DIABLO: variants seen among roughly 807,000 people sequenced by gnomAD.
DIABLO encodes the protein diablo homolog, mitochondrial.
A neutral mutation model predicts 31.7 loss-of-function variants in DIABLO; 32 were observed. The observed-to-expected ratio is 1.01, with a 90% confidence interval of 0.76 to 1.35. The LOEUF is 1.35. DIABLO is among the 40% of genes most tolerant of loss of function. The pLI is 0.00. For synonymous variants in DIABLO, 132 were observed against 103.2 expected (o/e 1.28, Z -1.69); for missense variants, 316 against 286.4 (o/e 1.10, Z -0.75).
chr12:122,208,236 C>A lies in DIABLO; in HGVS notation c.*145G>T. Reference sequence around the variant, plus strand: ...CTGAGACCACAGGAGGCACTCACAGCTCACAAAGGCGTCTCGCCTGATTGG... The same window carrying A: ...CTGAGACCACAGGAGGCACTCACAGATCACAAAGGCGTCTCGCCTGATTGG... On this transcript the variant is annotated 3_prime_UTR_variant, in exon 6 of 6. Transcript: ENST00000464942. 1 of 941,432 alleles carries A rather than the reference C, an allele frequency of 1.1e-6. No individual in the cohort carries two copies. The highest frequency in any genetic ancestry group is 1.7e-6 in the Non-Finnish European group (1 of 603,674). 58.3% of individuals were successfully genotyped at this position (941,432 alleles called of 1,614,324 possible).
At chr12:122,208,890 T>G in intron 5 of DIABLO, 1 of 427,486 alleles carries the variant, frequency 2.3e-6, no homozygotes, top group South Asian at 1.9e-5. Context: ...TTTTTTTAAC[T>G]ACACATCTTC....
chr12:122,226,010 G>C lies in DIABLO; in HGVS notation c.5C>G (p.Ala2Gly), dbSNP rs766595331. 20 of 1,603,366 alleles carry C rather than the reference G, an allele frequency of 1.2e-5. No individual in the cohort carries two copies. In the East Asian group the frequency reaches 3.6e-4, roughly 29 times the overall value. The stretch of plus-strand genomic sequence containing the variant: ...GCGCGACAGCCAACTCTTCAGAGCC[G>C]CCATTGTGCAGCGCGCGGACGCCAG... MAALKSWLSRSV... is the reference protein window; with the variant it reads MGALKSWLSRSV... Residue 2 changes from alanine to glycine, a missense_variant, in exon 1 of 6, where the codon GCG (alanine) becomes GGG (glycine). By Grantham distance (60) the Ala-to-Gly change is moderately conservative. Coordinates refer to ENST00000464942, the MANE Select transcript of DIABLO (RefSeq NM_001371333.1).
chr12:122,224,775 G>A (rs767758315), intron 1 of DIABLO, 131 bp from the exon 2 acceptor site: 3 of 1,584,770 alleles, frequency 1.9e-6, no homozygotes, highest in Non-Finnish European at 2.6e-6. Flanking sequence ...GACAGCTGAG[G>A]GGTTTTGAAA....
rs538842097 is a variant in DIABLO at position 122,226,018 on chromosome 12, G to A, written c.-4C>T. The A allele has an allele frequency of 2.5e-6, 4 of 1,602,652 alleles. No individual in the cohort carries two copies. The highest frequency in any genetic ancestry group is 4.5e-5 in the East Asian group (2 of 44,502). The stretch of plus-strand genomic sequence containing the variant: ...GCCAACTCTTCAGAGCCGCCATTGT[G>A]CAGCGCGCGGACGCCAGACGCACAC... On this transcript the variant is annotated 5_prime_UTR_variant, in exon 1 of 6. Coordinates refer to ENST00000464942, the MANE Select transcript of DIABLO (RefSeq NM_001371333.1).
chr12:122,213,102 CAG>C (rs1218390770), intron 5 of DIABLO, among the ~76,000 whole-genome samples: 1 of 152,080 alleles, frequency 6.6e-6, no homozygotes, highest in Non-Finnish European at 1.5e-5. Context: ...TTTGTAGAGA[CAG>C]GGTTTCATCG....
chr12:122,225,305 T>C lies in DIABLO; in HGVS notation c.50+660A>G. 6.9e-6 allele frequency: 5 copies of C among 724,996 alleles called. No homozygotes were observed. The South Asian group carries it at 1.6e-4, about 24-fold the overall frequency. The allele number at this position is 724,996 out of a possible 1,614,324, so 44.9% of individuals were successfully genotyped here. A position where few individuals can be genotyped will look rare whatever the true frequency, so the allele number is the denominator to read the frequency against. On this transcript the variant is annotated intron_variant, in intron 1 of 5. Coordinates refer to ENST00000464942, the MANE Select transcript of DIABLO (RefSeq NM_001371333.1). The stretch of plus-strand genomic sequence containing the variant: ...CGGGAGGCTGAGGCTGAGAATCGCT[T>C]GAAGCCGGGAGGCACAGGTTGCAGT...
intron 1 of DIABLO, chr12:122,224,946 T>G: frequency 1.3e-6 from 1 of 790,714 alleles, no homozygotes; most frequent in Non-Finnish European, 1.8e-6. Context: ...CATGACCCCG[T>G]GTCTATTAAA....
In DIABLO at chr12:122,222,105, T is replaced by G. The variant is rs1954345661; in HGVS notation, c.183+2407A>C. On this transcript the variant is annotated intron_variant, in intron 2 of 5. Transcript: ENST00000464942. ...GGAGCTTGCTGGTTTCCTCTCTAGC[T>G]CTTCCCCATAAAGCATATAAGCTAT... The G allele has an allele frequency of 1.3e-5, 2 of 152,232 alleles. 1 individual carries two copies. The highest frequency in any genetic ancestry group is 4.1e-4 in the South Asian group (2 of 4,836). The allele number at this position is 152,232 out of a possible 1,614,324, so 9.4% of individuals were successfully genotyped here. A position where few individuals can be genotyped will look rare whatever the true frequency, so the allele number is the denominator to read the frequency against.
At chr12:122,222,723 G>A (rs12578863) in intron 2 of DIABLO, among the ~76,000 whole-genome samples, 33,325 of 151,990 alleles carry the variant, frequency 0.22, 4,812 homozygotes, top group East Asian at 0.62. Flanking sequence ...CAGATCATGA[G>A]GCATTAGATT....
Position 122,208,002 on chromosome 12 carries a change from C to G in DIABLO, c.*379G>C. 2.1e-6 allele frequency: 1 copy of G among 482,562 alleles called. No individual in the cohort carries two copies. Among genetic ancestry groups the G allele is most frequent in the South Asian group, 1.5e-5 (1 of 64,704 alleles). 29.9% of individuals were successfully genotyped at this position (482,562 alleles called of 1,614,324 possible). A position where few individuals can be genotyped will look rare whatever the true frequency, so the allele number is the denominator to read the frequency against. On this transcript the variant is annotated 3_prime_UTR_variant, in exon 6 of 6. Coordinates refer to ENST00000464942, the MANE Select transcript of DIABLO (RefSeq NM_001371333.1). ...CCAACAGAGGGAACAAGTACTAAAT[C>G]ATTTTTGACGACGTAAATAAGACTG...
Position 122,209,499 on chromosome 12 carries a change from A to G in DIABLO, c.524-922T>C, listed in dbSNP as rs562996175. Reference sequence around the variant, plus strand: ...GGTAACACGGTGAAACCCCGTTTCTACTAAAATACAAAAAAAGTAGCTGGG... The same window carrying G: ...GGTAACACGGTGAAACCCCGTTTCTGCTAAAATACAAAAAAAGTAGCTGGG... On this transcript the variant is annotated intron_variant, in intron 5 of 5. Coordinates refer to ENST00000464942, the MANE Select transcript of DIABLO (RefSeq NM_001371333.1). Among the ~76,000 whole-genome samples, 199 of 152,148 alleles carry G rather than the reference A, an allele frequency of 1.3e-3. 1 individual carries two copies. The highest frequency in any genetic ancestry group is 2.5e-3 in the Non-Finnish European group (167 of 68,024).
At chr12:122,218,479 T>G in intron 2 of DIABLO, 82 bp from the exon 3 acceptor site, 12 of 1,574,352 alleles carry the variant, frequency 7.6e-6, no homozygotes, top group Non-Finnish European at 1.0e-5. Flanking sequence ...AAAAACGTAA[T>G]TGTCATGCTG....
intron 2 of DIABLO, among the ~76,000 whole-genome samples, chr12:122,223,610 T>C (rs1303835132): frequency 1.3e-5 from 2 of 152,118 alleles, no homozygotes; most frequent in Non-Finnish European, 1.5e-5. Flanking sequence ...TCCTCAGACA[T>C]ACCAGGCATA....
At chr12:122,222,264 A>G (rs1322266396) in intron 2 of DIABLO, 1 of 152,116 alleles carries the variant, frequency 6.6e-6, no homozygotes, top group East Asian at 1.9e-4. Context: ...TCTCCATCCT[A>G]CTAAATGGCA....
chr12:122,227,224 C>T (rs1954496640), upstream of DIABLO: 2 of 376,312 alleles, frequency 5.3e-6, no homozygotes, highest in Non-Finnish European at 1.1e-5. Context: ...CCACCAGAGA[C>T]GACATCAGAC....
At chr12:122,224,947 G>C in intron 1 of DIABLO, 1 of 774,862 alleles carries the variant, frequency 1.3e-6, no homozygotes, top group Non-Finnish European at 1.8e-6. Context: ...ATGACCCCGT[G>C]TCTATTAAAA....
Position 122,225,996 on chromosome 12 carries a change from A to C in DIABLO, c.19T>G (p.Trp7Gly). The C allele has an allele frequency of 6.2e-7, 1 of 1,603,562 alleles. No individual in the cohort carries two copies. The highest frequency in any genetic ancestry group is 8.5e-7 in the Non-Finnish European group (1 of 1,175,916). Residue 7 changes from tryptophan to glycine, a missense_variant, in exon 1 of 6, where the codon TGG (tryptophan) becomes GGG (glycine). Trp to Gly is a radical substitution (Grantham distance 184). Coordinates refer to ENST00000464942, the MANE Select transcript of DIABLO (RefSeq NM_001371333.1). The stretch of plus-strand genomic sequence containing the variant: ...AATGAAGTTACGCTGCGCGACAGCC[A>C]ACTCTTCAGAGCCGCCATTGTGCAG... MAALKSWLSRSVTSFFR... is the reference protein window; with the variant it reads MAALKSGLSRSVTSFFR...
At chr12:122,209,224 A>G (rs1296930830) in intron 5 of DIABLO, among the ~76,000 whole-genome samples, 1 of 151,992 alleles carries the variant, frequency 6.6e-6, no homozygotes, top group Non-Finnish European at 1.5e-5. Flanking sequence ...TTAGCCAGGC[A>G]TGGTGGCGCA....
At chr12:122,220,243 C>T (rs1362514799) in intron 2 of DIABLO, among the ~76,000 whole-genome samples, 1 of 151,960 alleles carries the variant, frequency 6.6e-6, no homozygotes, top group Non-Finnish European at 1.5e-5. Flanking sequence ...ACCATGCCCA[C>T]CCTGACCTCA....
Sources: allele counts gnomAD v4.1 joint callset (sites outside exome capture counted in the v4.1 genomes callset), GRCh38; gene constraint gnomAD v4.1.1; transcripts MANE v1.5; gene names NCBI Gene and HGNC (gene_info 2026-07-23, HGNC 2026-07-21).